Variants in GALNT8 observed in about 807,000 individuals in gnomAD.
GALNT8 encodes the protein polypeptide N-acetylgalactosaminyltransferase 8, also known as probable polypeptide N-acetylgalactosaminyltransferase 8.
In GALNT8, 66 loss-of-function variants were observed where a neutral mutation model predicts 62.7. The ratio of observed to expected loss-of-function variants is 1.05; its 90% CI spans 0.86 to 1.29. The LOEUF (loss-of-function observed/expected upper bound fraction) is 1.29, where lower values mean the gene tolerates loss of function less well. GALNT8 is among the 50% of genes most tolerant of loss of function. The pLI is 0.00. For synonymous variants in GALNT8, 288 were observed against 294.3 expected (o/e 0.98, Z 0.22); for missense variants, 771 against 791.8 (o/e 0.97, Z 0.32).
intron 10 of GALNT8, among the ~76,000 whole-genome samples, chr12:4,767,962 A>G (rs982270001): frequency 6.6e-5 from 10 of 152,210 alleles, no homozygotes; most frequent in African/African-American, 2.4e-4. Context: ...AAGCCTAACA[A>G]GTTTTGACAA....
chr12:4,761,929 G>A (rs745723231), intron 7 of GALNT8, among the ~76,000 whole-genome samples: 10 of 152,290 alleles, frequency 6.6e-5, no homozygotes, highest in Non-Finnish European at 1.2e-4. Flanking sequence ...GAGTCAGGAT[G>A]GTGGGTAACT....
At position 4,749,389 on chromosome 12, in the gene GALNT8, C is replaced by T. The variant is rs1442457354; in HGVS notation, c.1173+3131C>T. Among the ~76,000 whole-genome samples the T allele has an allele frequency of 3.9e-5, 6 of 152,080 alleles. No homozygotes were observed. The highest frequency in any genetic ancestry group is 8.8e-5 in the Non-Finnish European group (6 of 68,004). Reference sequence around the variant, plus strand: ...ATAGAAGTTGGATTTTATCAAATGCCTTTTCAGCGTCAATTGAAATGATCA... The same window carrying T: ...ATAGAAGTTGGATTTTATCAAATGCTTTTTCAGCGTCAATTGAAATGATCA... On this transcript the variant is annotated intron_variant, in intron 6 of 10. Transcript: ENST00000252318. The surrounding 1 kb of genome is among the most constrained non-coding windows in gnomAD (Gnocchi z 4.1).
chr12:4,747,704 C>T (rs1467671653), intron 6 of GALNT8, among the ~76,000 whole-genome samples: 1 of 152,114 alleles, frequency 6.6e-6, no homozygotes, highest in South Asian at 2.1e-4. Context: ...CTTTGATTTA[C>T]TGATTTCCTT....
intron 10 of GALNT8, among the ~76,000 whole-genome samples, chr12:4,771,852 G>T (rs569703784): frequency 1.4e-4 from 22 of 152,256 alleles, no homozygotes; most frequent in African/African-American, 4.8e-4. Context: ...TAGGTAATTT[G>T]CCCAAGCCCA....
intron 10 of GALNT8, among the ~76,000 whole-genome samples, chr12:4,771,407 C>T (rs1488976237): frequency 6.6e-5 from 10 of 151,834 alleles, no homozygotes; most frequent in African/African-American, 2.4e-4. Context: ...GGGGGGAGTC[C>T]AGGGACAGGC....
chr12:4,766,523 G>C (rs933463921), intron 10 of GALNT8, among the ~76,000 whole-genome samples: 3 of 152,164 alleles, frequency 2.0e-5, no homozygotes, highest in Non-Finnish European at 2.9e-5. Flanking sequence ...ATCTGACAGA[G>C]GCTAATGTAG....
At chr12:4,721,010 T>A in intron 1 of GALNT8, 122 bp downstream of exon 1, 1 of 657,856 alleles carries the variant, frequency 1.5e-6, no homozygotes, top group Non-Finnish European at 2.8e-6. Flanking sequence ...AGTCGCTCAT[T>A]GAAGCATCTG....
At chr12:4,756,970 G>T (rs578238933) in intron 6 of GALNT8, among the ~76,000 whole-genome samples, 1 of 152,236 alleles carries the variant, frequency 6.6e-6, no homozygotes, top group Admixed American at 6.5e-5. Context: ...GATCATGTCG[G>T]GGGGGTTTTC....
rs75030374 is a variant in GALNT8 at position 4,729,984 on chromosome 12, G to C, written c.509+3155G>C. 9.2e-5 allele frequency among the ~76,000 whole-genome samples: 14 copies of C among 152,182 alleles called. No homozygotes were observed. The East Asian group carries it at 2.7e-3, about 29-fold the overall frequency. On this transcript the variant is annotated intron_variant, in intron 2 of 10. Coordinates refer to ENST00000252318, the MANE Select transcript of GALNT8 (RefSeq NM_017417.2). The stretch of plus-strand genomic sequence containing the variant: ...CATTTTCCCTGATGGTTAATATATG[G>C]AACATTTTTTTCATAAAGCTCTTGG...
intron 1 of GALNT8, among the ~76,000 whole-genome samples, chr12:4,725,624 C>T (rs541881665): frequency 5.7e-4 from 82 of 143,932 alleles, no homozygotes; most frequent in African/African-American, 1.9e-3. Flanking sequence ...GGCACAATCT[C>T]GGCTCACTGC....
Position 4,772,518 on chromosome 12 carries a change from T to A in GALNT8, c.1835T>A (p.Leu612His). ...MKKDLLGSHV[L>H]VLQTCSTQVW... ...AAGGATCTTTTGGGTAGCCACGTGC[T>A]TGTGCTCCAGACCTGTAGCACGCAA... The change falls in exon 11 of 11, where the codon CTT (leucine) becomes CAT (histidine). Residue 612 changes from leucine (L) to histidine (H), a missense_variant. Leu to His is a moderately conservative substitution (Grantham distance 99, BLOSUM62 -3). Transcript: ENST00000252318. The A allele has an allele frequency of 6.2e-7, 1 of 1,613,786 alleles. No individual in the cohort carries two copies. Among genetic ancestry groups the A allele is most frequent in the Non-Finnish European group, 8.5e-7 (1 of 1,179,654 alleles).
Position 4,745,420 on chromosome 12 carries a change from T to G in GALNT8, c.861-9T>G, listed in dbSNP as rs1946293134. 2 of 1,588,106 alleles carry G rather than the reference T, an allele frequency of 1.3e-6. No homozygotes were observed. Among genetic ancestry groups the G allele is most frequent in the South Asian group, 2.2e-5 (2 of 90,590 alleles). On this transcript the variant is annotated splice_polypyrimidine_tract_variant and intron_variant, in intron 4 of 10. Transcript: ENST00000252318. The stretch of plus-strand genomic sequence containing the variant: ...TCCAAGCTGGGCTTTCTGCACACTC[T>G]TGTTCTAGGGCAGAGCCAATCTTGG...
rs1412261447 is a variant in GALNT8 at position 4,745,559 on chromosome 12, C to G, written c.991C>G (p.Leu331Val). Reference sequence around the variant, plus strand: ...GGCAGTTGATGGGTTTAACTGGGAACTCTGGTGCCGCTACGATGCACTGCC... The same window carrying G: ...GGCAGTTGATGGGTTTAACTGGGAAGTCTGGTGCCGCTACGATGCACTGCC... ...ELAVDGFNWE[L>V]WCRYDALPQA... The change falls in exon 5 of 11, where the codon CTC (leucine) becomes GTC (valine). Residue 331 changes from leucine (L) to valine (V), a missense_variant. Physicochemically the swap from Leu to Val is conservative, Grantham distance 32. Coordinates refer to ENST00000252318, the MANE Select transcript of GALNT8 (RefSeq NM_017417.2). 15 of 1,613,818 alleles carry G rather than the reference C, an allele frequency of 9.3e-6. No individual in the cohort carries two copies. The Admixed American group carries it at 2.5e-4, about 27-fold the overall frequency.
chr12:4,755,890 A>G (rs569243441), intron 6 of GALNT8, among the ~76,000 whole-genome samples: 1 of 152,312 alleles, frequency 6.6e-6, no homozygotes, highest in African/African-American at 2.4e-5. Context: ...GCTTGGATGG[A>G]GTGGCCGTGT....
rs372477539 is a variant in GALNT8, at chr12:4,763,298, C to T, written c.1405C>T (p.Arg469Trp). 18 of 1,610,900 alleles carry T rather than the reference C, an allele frequency of 1.1e-5. No individual in the cohort carries two copies. The highest frequency in any genetic ancestry group is 1.6e-4 in the Middle Eastern group (1 of 6,074). Residue 469 changes from arginine (R) to tryptophan (W), a missense_variant, in exon 8 of 11, where the codon CGG becomes TGG. Arg to Trp is a moderately radical substitution (Grantham distance 101, BLOSUM62 -3). Coordinates refer to ENST00000252318, the MANE Select transcript of GALNT8 (RefSeq NM_017417.2). ...AGACGTTTCTTCCAGAATGGCACTC[C>T]GGGAAAAACTGAAATGTAAAACTTT... The part of the protein sequence containing the change: ...FGDVSSRMAL[R>W]EKLKCKTFDW...
At chr12:4,750,492 G>A (rs576591988) in intron 6 of GALNT8, among the ~76,000 whole-genome samples, 1 of 152,218 alleles carries the variant, frequency 6.6e-6, no homozygotes, top group South Asian at 2.1e-4. Flanking sequence ...ATGGCCTCCA[G>A]CTCCATCCAT....
At chr12:4,739,104 G>A (rs1254030686) in intron 2 of GALNT8, 59 bp from the exon 3 acceptor site, 1 of 1,024,338 alleles carries the variant, frequency 9.8e-7, no homozygotes, top group Non-Finnish European at 1.4e-6. Flanking sequence ...GGAAAGATTG[G>A]ATAGCAGTGT....
At chr12:4,747,760 A>G (rs1368993865) in intron 6 of GALNT8, among the ~76,000 whole-genome samples, 2 of 152,102 alleles carry the variant, frequency 1.3e-5, no homozygotes, top group Non-Finnish European at 2.9e-5. Context: ...ATCATATGGT[A>G]GCTCTATTTT....
At chr12:4,758,332 T>TAGAGATGATGGGTAGGAAAGGTTAAGAAG (rs1225931121) in intron 6 of GALNT8, among the ~76,000 whole-genome samples, 2 of 151,926 alleles carry the variant, frequency 1.3e-5, no homozygotes, top group African/African-American at 4.8e-5. Flanking sequence ...TGTGTGTAAA[T>TAGAGATGATGGGTAGGAAAGGTTAAGAAG]GGAGATGATG....
Sources: gnomAD v4.1 joint callset for allele counts (sites outside exome capture counted in the v4.1 genomes callset) on GRCh38, gnomAD v4.1.1 for gene constraint, Gnocchi (gnomAD v3.1) non-coding constraint, MANE v1.5 for transcripts, NCBI Gene and HGNC (gene_info 2026-07-23, HGNC 2026-07-21) for gene names.